The following ZBTB2 variants were observed in gnomAD, a reference collection of about 807,000 sequenced individuals.
ZBTB2 encodes the protein zinc finger and BTB domain containing 2, also known as zinc finger and BTB domain-containing protein 2.
ZBTB2 carries 2 observed loss-of-function variants against 39.5 expected under a neutral mutation model. That is an observed-to-expected ratio of 0.05 (90% CI 0.02 to 0.16). The LOEUF is 0.16. Ranked by LOEUF, ZBTB2 falls within the 10% of genes least tolerant of loss-of-function variation. The pLI is 1.00. For missense variants in ZBTB2, 391 were observed against 653.0 expected, an observed-to-expected ratio of 0.60 and a Z score of 4.37; for synonymous variants, 251 against 256.6, an observed-to-expected ratio of 0.98 and a Z score of 0.21.
intron 2 of ZBTB2, among the ~76,000 whole-genome samples, chr6:151,369,465 C>T (rs769463232): frequency 6.6e-6 from 1 of 152,020 alleles, no homozygotes; most frequent in East Asian, 1.9e-4. Context: ...AGACTATAGG[C>T]ACATGCCACT....
chr6:151,369,853 A>T (rs1487734882), intron 2 of ZBTB2, among the ~76,000 whole-genome samples: 1 of 151,996 alleles, frequency 6.6e-6, no homozygotes, highest in African/African-American at 2.4e-5. Context: ...CGCAGCTGTA[A>T]CCCCAGCTAC....
At chr6:151,388,387 C>T (rs576263417) in intron 1 of ZBTB2, among the ~76,000 whole-genome samples, 2 of 152,246 alleles carry the variant, frequency 1.3e-5, no homozygotes, top group East Asian at 3.9e-4. Context: ...GATCCCAGGC[C>T]GATGCTACAG....
chr6:151,381,498 G>A (rs1779034004), intron 1 of ZBTB2, among the ~76,000 whole-genome samples: 1 of 151,704 alleles, frequency 6.6e-6, no homozygotes, highest in South Asian at 2.1e-4. Context: ...TCTAGCCTGG[G>A]TGACACAGAG....
chr6:151,390,494 T>C (rs1285089566), intron 1 of ZBTB2, among the ~76,000 whole-genome samples: 1 of 148,868 alleles, frequency 6.7e-6, no homozygotes, highest in East Asian at 2.0e-4. Flanking sequence ...TGCCGACGCC[T>C]ACGCCGTGCG....
intron 1 of ZBTB2, among the ~76,000 whole-genome samples, chr6:151,383,558 A>C (rs1261050672): frequency 1.3e-5 from 2 of 152,194 alleles, no homozygotes; most frequent in African/African-American, 4.8e-5. Context: ...AAGGTCCTGA[A>C]CACCCTGGTG....
intron 1 of ZBTB2, among the ~76,000 whole-genome samples, chr6:151,377,157 G>T (rs974356320): frequency 2.0e-5 from 3 of 152,114 alleles, no homozygotes; most frequent in East Asian, 3.9e-4. Flanking sequence ...TTAGTGGTGG[G>T]GGGGGTGTGG....
Position 151,391,515 on chromosome 6 carries a change from CGCT to C in ZBTB2, c.-111_-109del, listed in dbSNP as rs999514026. 121 of 153,208 alleles carry C rather than the reference CGCT, an allele frequency of 7.9e-4. No homozygotes were observed. The highest frequency in any genetic ancestry group is 1.4e-3 in the Non-Finnish European group (95 of 69,342). The allele number at this position is 153,208 out of a possible 1,614,324, so 9.5% of individuals were successfully genotyped here. ...CCCCGCCGCCGCCGCCTCTGCCTCTCGCTGCTGCTGCTGCTGCTGCCGCCGCGG... is the reference window on the plus strand; with the variant it reads ...CCCCGCCGCCGCCGCCTCTGCCTCTCGCTGCTGCTGCTGCTGCCGCCGCGG... On this transcript the variant is annotated 5_prime_UTR_variant, in exon 1 of 3. Coordinates refer to ENST00000325144, the MANE Select transcript of ZBTB2 (RefSeq NM_020861.3).
chr6:151,388,680 T>C (rs1779217881), intron 1 of ZBTB2, among the ~76,000 whole-genome samples: 1 of 152,230 alleles, frequency 6.6e-6, no homozygotes, highest in African/African-American at 2.4e-5. Context: ...AACACATTTT[T>C]CTATTATTTT....
At chr6:151,368,098 C>T (rs1778688997) in intron 2 of ZBTB2, among the ~76,000 whole-genome samples, 1 of 151,992 alleles carries the variant, frequency 6.6e-6, no homozygotes, top group Non-Finnish European at 1.5e-5. Flanking sequence ...GTATTGTAAT[C>T]TTCTTTGGCC....
chr6:151,381,134 C>G (rs760909335), intron 1 of ZBTB2, among the ~76,000 whole-genome samples: 4 of 152,160 alleles, frequency 2.6e-5, no homozygotes, highest in Non-Finnish European at 4.4e-5. Flanking sequence ...CCCAACTCAT[C>G]TCTCCATCTC....
At chr6:151,385,592 C>T (rs1439875182) in intron 1 of ZBTB2, among the ~76,000 whole-genome samples, 7 of 152,214 alleles carry the variant, frequency 4.6e-5, no homozygotes, top group Admixed American at 2.6e-4. Context: ...CTAAACACCA[C>T]TTACACTACC....
chr6:151,370,780 C>A (rs989884929), intron 2 of ZBTB2, among the ~76,000 whole-genome samples: 1 of 152,176 alleles, frequency 6.6e-6, no homozygotes, highest in Non-Finnish European at 1.5e-5. Context: ...GAAAAGTACG[C>A]CCCTGGCCTT....
intron 1 of ZBTB2, among the ~76,000 whole-genome samples, chr6:151,375,891 C>T (rs1459510183): frequency 6.6e-6 from 1 of 152,050 alleles, no homozygotes; most frequent in South Asian, 2.1e-4. Flanking sequence ...TAAAAAAGAA[C>T]CATAAAGTGG....
intron 1 of ZBTB2, among the ~76,000 whole-genome samples, chr6:151,377,689 A>G (rs1282497499): frequency 1.3e-5 from 2 of 151,652 alleles, no homozygotes; most frequent in South Asian, 2.1e-4. Flanking sequence ...ACAAGCGCCC[A>G]CCACCATGCC....
At chr6:151,373,332 C>T (rs1051384505) in intron 2 of ZBTB2, 133 bp downstream of exon 2, 55 of 891,804 alleles carry the variant, frequency 6.2e-5, no homozygotes, top group Middle Eastern at 3.1e-4. Context: ...GTAGTGGGGG[C>T]GAGTGAGGCC....
At chr6:151,385,382 T>C (rs1252910037) in intron 1 of ZBTB2, among the ~76,000 whole-genome samples, 2 of 152,228 alleles carry the variant, frequency 1.3e-5, no homozygotes, top group African/African-American at 2.4e-5. Flanking sequence ...TGCTTTCAGT[T>C]TTCATCACAG....
chr6:151,370,812 C>T (rs1168822192), intron 2 of ZBTB2, among the ~76,000 whole-genome samples: 3 of 152,172 alleles, frequency 2.0e-5, no homozygotes, highest in South Asian at 2.1e-4. Flanking sequence ...TGCCTTGCCT[C>T]GAGGAGCTTG....
chr6:151,370,666 G>C lies in ZBTB2; in HGVS notation c.173+2799C>G, dbSNP rs148895757. ...GGACATCTAGTGGTAACTACAGCCA[G>C]AAATCTCCCTTGGAGCCAAACTTGA... On this transcript the variant is annotated intron_variant, in intron 2 of 2. Coordinates refer to ENST00000325144, the MANE Select transcript of ZBTB2 (RefSeq NM_020861.3). 1.5e-3 allele frequency among the ~76,000 whole-genome samples: 228 copies of C among 152,318 alleles called. 2 individuals are homozygous for C. Among genetic ancestry groups the C allele is most frequent in the African/African-American group, 5.3e-3 (219 of 41,574 alleles).
At chr6:151,384,056 A>G (rs1779100337) in intron 1 of ZBTB2, among the ~76,000 whole-genome samples, 1 of 152,208 alleles carries the variant, frequency 6.6e-6, no homozygotes, top group African/African-American at 2.4e-5. Context: ...TTGAGTTTCT[A>G]GTTATCCTAG....
Sources: allele counts gnomAD v4.1 joint callset (sites outside exome capture counted in the v4.1 genomes callset), GRCh38; gene constraint gnomAD v4.1.1; transcripts MANE v1.5; gene names NCBI Gene and HGNC (gene_info 2026-07-23, HGNC 2026-07-21).